RILPL1: variants seen among roughly 807,000 people sequenced by gnomAD.
The protein encoded by RILPL1 is Rab interacting lysosomal protein like 1.
A neutral mutation model predicts 50.3 loss-of-function variants in RILPL1; 33 were observed. The ratio of observed to expected loss-of-function variants is 0.66; its 90% confidence interval spans 0.50 to 0.88. The LOEUF (loss-of-function observed/expected upper bound fraction) is 0.88, where lower values mean the gene tolerates loss of function less well. Ranked by LOEUF, RILPL1 falls within the 40% of genes least tolerant of loss-of-function variation. RILPL1 has a pLI of 0.00. For synonymous variants in RILPL1, 205 were observed against 228.6 expected (o/e 0.90, Z 0.93); for missense variants, 418 against 542.5 (o/e 0.77, Z 2.28).
At chr12:123,524,912 A>G (rs889687380) in intron 1 of RILPL1, among the ~76,000 whole-genome samples, 1 of 152,162 alleles carries the variant, frequency 6.6e-6, no homozygotes, top group African/African-American at 2.4e-5. Flanking sequence ...CAGGCGGATC[A>G]CTTGAGGTCA....
rs981055761 is a variant in RILPL1, at chr12:123,499,454, G to A, written c.543C>T (p.Asp181=). 2 of 1,613,912 alleles carry A rather than the reference G, an allele frequency of 1.2e-6. No homozygotes were observed. The highest frequency in any genetic ancestry group is 1.7e-6 in the Non-Finnish European group (2 of 1,179,844). Residue 181 remains aspartate, a synonymous_variant, in exon 3 of 7, where the codon GAC becomes GAT. Transcript: ENST00000376874. ...DKQRDEIRAK[D]RELGLKNEDV... ...CCTCATTTTTCAGGCCCAGCTCCCT[G>A]TCCTTGGCGCGGATCTCGTCGCGTT...
At chr12:123,473,906 T>C (rs1044655815) in intron 6 of RILPL1, 1 of 152,212 alleles carries the variant, frequency 6.6e-6, no homozygotes, top group Admixed American at 6.5e-5. Flanking sequence ...TTTTATTTTT[T>C]ATTTTTGAGA....
At chr12:123,510,917 CTG>C (rs150135730) in intron 2 of RILPL1, among the ~76,000 whole-genome samples, 14,686 of 104,814 alleles carry the variant, frequency 0.14, 1,031 homozygotes, top group Non-Finnish European at 0.18. Flanking sequence ...TGTGTGAGGT[CTG>C]TGTGTGTGTG....
intron 1 of RILPL1, among the ~76,000 whole-genome samples, chr12:123,529,355 G>C (rs1002754815): frequency 2.6e-5 from 4 of 151,926 alleles, no homozygotes; most frequent in Non-Finnish European, 4.4e-5. Flanking sequence ...GCAGTGATAT[G>C]ATCTCGGCTC....
In RILPL1 at chr12:123,472,462, A is replaced by G. The variant is rs1196613994; in HGVS notation, c.*76T>C. On this transcript the variant is annotated 3_prime_UTR_variant, in exon 7 of 7. Transcript: ENST00000376874. ...CTGCACCGAGAGGCTTGAGGCAGCA[A>G]TGACCCCTGGGCTGCAGTTCGGTTG... The G allele has an allele frequency of 2.2e-5, 33 of 1,500,476 alleles. No individual in the cohort carries two copies. The South Asian group carries it at 2.4e-4, about 11-fold the overall frequency. 92.9% of individuals were successfully genotyped at this position (1,500,476 alleles called of 1,614,324 possible).
intron 2 of RILPL1, among the ~76,000 whole-genome samples, chr12:123,503,283 C>A (rs1176302701): frequency 6.8e-6 from 1 of 146,800 alleles, no homozygotes; most frequent in Non-Finnish European, 1.5e-5. Context: ...TCACTGCAAC[C>A]TCTGTCTCCC....
chr12:123,526,952 TA>T (rs1885284424), intron 1 of RILPL1, among the ~76,000 whole-genome samples: 1 of 152,074 alleles, frequency 6.6e-6, no homozygotes, highest in South Asian at 2.1e-4. Flanking sequence ...GCAGGGAGAA[TA>T]ATGGCTCTTA....
Position 123,485,757 on chromosome 12 carries a change from T to C in RILPL1, c.850A>G (p.Met284Val), listed in dbSNP as rs1882287232. 1.9e-6 allele frequency: 3 copies of C among 1,612,564 alleles called. No individual in the cohort carries two copies. The highest frequency in any genetic ancestry group is 2.5e-6 in the Non-Finnish European group (3 of 1,179,306). The change falls in exon 5 of 7, where the codon ATG (methionine) becomes GTG (valine). Residue 284 changes from methionine (M) to valine (V), a missense_variant. Coordinates refer to ENST00000376874, the MANE Select transcript of RILPL1 (RefSeq NM_178314.5). This position sits in a 1 kb window ranked among gnomAD's most constrained non-coding sequence, Gnocchi z 4.0. ...ESISDAEKVA[M>V]DLKDPNRPRF... ...GGGCGGTTGGGGTCCTTGAGATCCATGGCCACCTTCTCTGCGTCGGAGATG... is the reference window on the plus strand; with the variant it reads ...GGGCGGTTGGGGTCCTTGAGATCCACGGCCACCTTCTCTGCGTCGGAGATG...
intron 1 of RILPL1, among the ~76,000 whole-genome samples, chr12:123,528,149 T>C (rs1885322700): frequency 6.6e-6 from 1 of 152,006 alleles, no homozygotes; most frequent in African/African-American, 2.4e-5. Flanking sequence ...GGAGAATCAC[T>C]TGAGCCCAGG....
At chr12:123,523,096 C>T (rs1885126419) in intron 2 of RILPL1, among the ~76,000 whole-genome samples, 1 of 152,184 alleles carries the variant, frequency 6.6e-6, no homozygotes, top group African/African-American at 2.4e-5. Context: ...TCACATGCCC[C>T]ACTGCCGCTC....
In RILPL1 at chr12:123,525,717, A is replaced by AAG. The variant is rs1555270064; in HGVS notation, c.310-2073_310-2072insCT. On this transcript the variant is annotated intron_variant, in intron 1 of 6. Coordinates refer to ENST00000376874, the MANE Select transcript of RILPL1 (RefSeq NM_178314.5). Reference sequence around the variant, plus strand: ...CACTGTCTCAAAAAAAAAAAAAAAAAAAAAAAAGAAACAAATGGGGTATTG... The same window carrying AAG: ...CACTGTCTCAAAAAAAAAAAAAAAAAAGAAAAAAAGAAACAAATGGGGTATTG... 2.6e-3 allele frequency among the ~76,000 whole-genome samples: 350 copies of AAG among 133,398 alleles called. 11 individuals are homozygous for AAG. The highest frequency in any genetic ancestry group is 0.02 in the East Asian group (89 of 4,550). The allele number at this position is 133,398 out of a possible 152,430, so 87.5% of individuals were successfully genotyped here.
At chr12:123,511,552 CTGTGTGTGTGGTA>C (rs1884208729) in intron 2 of RILPL1, among the ~76,000 whole-genome samples, 2 of 84,292 alleles carry the variant, frequency 2.4e-5, no homozygotes, top group Non-Finnish European at 4.5e-5. Flanking sequence ...TGTGTGAGGT[CTGTGTGTGTGGTA>C]TGTGTGAGGT....
chr12:123,491,757 C>CACA lies in RILPL1; in HGVS notation c.802-5953_802-5952insTGT. Among the ~76,000 whole-genome samples, 1 of 152,194 alleles carries CACA rather than the reference C, an allele frequency of 6.6e-6. No homozygotes were observed. The highest frequency in any genetic ancestry group is 1.5e-5 in the Non-Finnish European group (1 of 68,046). On this transcript the variant is annotated intron_variant, in intron 4 of 6. Transcript: ENST00000376874. The surrounding 1 kb of genome is among the most constrained non-coding windows in gnomAD (Gnocchi z 4.0). Reference sequence around the variant, plus strand: ...GGGCGCGGTGGCTCACACCTGTAATCCCAGCAGGAGGCCGAAGCAGGCGGA... The same window carrying CACA: ...GGGCGCGGTGGCTCACACCTGTAATCACACCAGCAGGAGGCCGAAGCAGGCGGA...
chr12:123,533,141 T>G lies in RILPL1; in HGVS notation c.309+33A>C. ...AGCCCTTGGGTCCCCGCGGTCCCAC[T>G]GCCCGGACGGACAGACCGAGGCCGC... is the stretch of plus-strand genomic sequence containing the variant. On this transcript the variant is annotated intron_variant, in intron 1 of 6. Transcript: ENST00000376874. The surrounding 1 kb of genome is among the most constrained non-coding windows in gnomAD (Gnocchi z 6.2). The G allele has an allele frequency of 6.7e-7, 1 of 1,499,872 alleles. No individual in the cohort carries two copies. The highest frequency in any genetic ancestry group is 2.5e-5 in the East Asian group (1 of 40,426). The allele number at this position is 1,499,872 out of a possible 1,614,324, so 92.9% of individuals were successfully genotyped here. A position where few individuals can be genotyped will look rare whatever the true frequency, so the allele number is the denominator to read the frequency against.
chr12:123,481,358 C>CAAAA (rs1250502610), intron 6 of RILPL1, among the ~76,000 whole-genome samples: 1 of 107,038 alleles, frequency 9.3e-6, no homozygotes, highest in Non-Finnish European at 2.0e-5. Context: ...GACTCCCTCT[C>CAAAA]AAAAAAAAAA....
Position 123,522,751 on chromosome 12 carries a change from C to A in RILPL1, c.460+744G>T, listed in dbSNP as rs1885112431. 6.6e-6 allele frequency among the ~76,000 whole-genome samples: 1 copy of A among 152,098 alleles called. No homozygotes were observed. The highest frequency in any genetic ancestry group is 2.4e-5 in the African/African-American group (1 of 41,406). On this transcript the variant is annotated intron_variant, in intron 2 of 6. Transcript: ENST00000376874. The surrounding 1 kb of genome is among the most constrained non-coding windows in gnomAD (Gnocchi z 4.0). ...CAGACTACAGGTGTGCACCACTGCA[C>A]CTGGCTTATTTTTAAAAAAATCGTT... is the stretch of plus-strand genomic sequence containing the variant.
At chr12:123,504,205 G>A (rs1175157112) in intron 2 of RILPL1, among the ~76,000 whole-genome samples, 1 of 152,104 alleles carries the variant, frequency 6.6e-6, no homozygotes, top group East Asian at 1.9e-4. Context: ...TCAATCCGAG[G>A]TGAACAAGGG....
chr12:123,511,172 TGTGA>T (rs1884145842), intron 2 of RILPL1, among the ~76,000 whole-genome samples: 1 of 144,258 alleles, frequency 6.9e-6, no homozygotes, highest in South Asian at 2.2e-4. Flanking sequence ...GTGGTGTTTG[TGTGA>T]GGTCTGTGTG....
chr12:123,499,729 G>T (rs1883253098), intron 2 of RILPL1, among the ~76,000 whole-genome samples, 193 bp from the exon 3 acceptor site: 1 of 151,924 alleles, frequency 6.6e-6, no homozygotes, highest in African/African-American at 2.4e-5. Flanking sequence ...TCCCCCCGAG[G>T]TCATTCCCAC....
Sources: allele counts gnomAD v4.1 joint callset (sites outside exome capture counted in the v4.1 genomes callset), GRCh38; gene constraint gnomAD v4.1.1; non-coding constraint Gnocchi (gnomAD v3.1); transcripts MANE v1.5; gene names NCBI Gene and HGNC (gene_info 2026-07-23, HGNC 2026-07-21).